JPH3: variants seen among roughly 807,000 people sequenced by gnomAD.
The protein encoded by JPH3 is junctophilin-3.
Under a neutral mutation model 59.6 loss-of-function variants are expected in JPH3, and 11 were observed. The observed-to-expected ratio is 0.18, with a 90% CI of 0.12 to 0.31. The LOEUF (loss-of-function observed/expected upper bound fraction) is 0.31. JPH3 is among the 10% of genes least tolerant of loss of function. The pLI, the probability that JPH3 is intolerant of heterozygous loss-of-function variation, is 1.00. For synonymous variants in JPH3, 673 were observed against 483.6 expected, an observed-to-expected ratio of 1.39 and a Z score of -5.14; for missense variants, 1,202 against 1,105.7, an observed-to-expected ratio of 1.09 and a Z score of -1.24.
intron 2 of JPH3, among the ~76,000 whole-genome samples, chr16:87,649,851 T>C (rs1024896209): frequency 6.6e-6 from 1 of 152,124 alleles, no homozygotes; most frequent in Non-Finnish European, 1.5e-5. Context: ...GGGTGGCCCA[T>C]GTGAAAGCTA....
In JPH3 at chr16:87,603,036, TCTC is replaced by T. The variant is rs1597228175; in HGVS notation, c.-106_-104del. On this transcript the variant is annotated 5_prime_UTR_variant, in exon 1 of 5. Coordinates refer to ENST00000284262, the MANE Select transcript of JPH3 (RefSeq NM_020655.4). The stretch of plus-strand genomic sequence containing the variant: ...ACCGCGCTCCGGGGCCGCGTCCTCC[TCTC>T]CTCCGGAAAACGCTCGCGACCCAGG... 2.9e-6 allele frequency: 4 copies of T among 1,397,846 alleles called. No homozygotes were observed. Among genetic ancestry groups the T allele is most frequent in the Middle Eastern group, 2.0e-4 (1 of 5,072 alleles). The allele number at this position is 1,397,846 out of a possible 1,614,324, so 86.6% of individuals were successfully genotyped here.
chr16:87,689,977 C>T lies in JPH3; in HGVS notation c.1617C>T (p.Ser539=), dbSNP rs2033521085. 2 of 1,470,222 alleles carry T rather than the reference C, an allele frequency of 1.4e-6. No homozygotes were observed. The highest frequency in any genetic ancestry group is 1.8e-6 in the Non-Finnish European group (2 of 1,113,102). 91.1% of individuals were successfully genotyped at this position (1,470,222 alleles called of 1,614,324 possible). ...SSWGEEQAGG[S]RGVRSGALRG... ...GGGGCGAGGAGCAGGCCGGGGGCTC[C>T]AGGGGTGTCCGCAGCGGTGCCCTGC... Residue 539 remains serine, a synonymous_variant, in exon 4 of 5, where the codon TCC becomes TCT. Coordinates refer to ENST00000284262, the MANE Select transcript of JPH3 (RefSeq NM_020655.4).
Position 87,688,055 on chromosome 16 carries a change from G to A in JPH3, c.1286-1591G>A, listed in dbSNP as rs189606998. On this transcript the variant is annotated intron_variant, in intron 3 of 4. Transcript: ENST00000284262. ...GAGGTGGTGGGGCTGGGCGTCAGGT[G>A]GGTACGTGGATGTCAGCACAGTTCT... Among the ~76,000 whole-genome samples the A allele has an allele frequency of 4.8e-4, 73 of 152,190 alleles. No homozygotes were observed. The East Asian group carries it at 0.013, about 28-fold the overall frequency.
chr16:87,658,426 CTCTA>C lies in JPH3; in HGVS notation c.1160+13395_1160+13398del, dbSNP rs1206974792. On this transcript the variant is annotated intron_variant, in intron 2 of 4. Coordinates refer to ENST00000284262, the MANE Select transcript of JPH3 (RefSeq NM_020655.4). Reference sequence around the variant, plus strand: ...TCTCTGTCCCTCCCTCTCTTTTCCTCTCTATCTCCCTATCTGCTTTGCTCTCTGT... The same window carrying C: ...TCTCTGTCCCTCCCTCTCTTTTCCTCTCTCCCTATCTGCTTTGCTCTCTGT... Among the ~76,000 whole-genome samples, 6 of 96,616 alleles carry C rather than the reference CTCTA, an allele frequency of 6.2e-5. 1 individual carries two copies. Among genetic ancestry groups the C allele is most frequent in the Non-Finnish European group, 1.5e-4 (6 of 39,730 alleles). 63.4% of individuals were successfully genotyped at this position (96,616 alleles called of 152,430 possible).
At position 87,615,386 on chromosome 16, in the gene JPH3, G is replaced by C. The variant is rs1567582911; in HGVS notation, c.382+11858G>C. The stretch of plus-strand genomic sequence containing the variant: ...TGGGGTCAGCATCCAGGCAACATGG[G>C]ATACCCAGAACCTTCTTTCTTGTCC... On this transcript the variant is annotated intron_variant, in intron 1 of 4. Transcript: ENST00000284262. 4.6e-5 allele frequency among the ~76,000 whole-genome samples: 7 copies of C among 152,304 alleles called. 1 individual carries two copies. The South Asian group carries it at 1.5e-3, about 32-fold the overall frequency.
At chr16:87,610,115 A>T (rs1172091692) in intron 1 of JPH3, among the ~76,000 whole-genome samples, 1 of 152,190 alleles carries the variant, frequency 6.6e-6, no homozygotes, top group Non-Finnish European at 1.5e-5. Context: ...CTGCATTCCT[A>T]TGAGAATCTA....
At chr16:87,605,585 G>C (rs2030489055) in intron 1 of JPH3, among the ~76,000 whole-genome samples, 1 of 152,188 alleles carries the variant, frequency 6.6e-6, no homozygotes, top group Non-Finnish European at 1.5e-5. Context: ...ACGGGTTAAG[G>C]GGAGAGATGT....
chr16:87,697,745 G>GAGAAACTGTAGCAT lies in JPH3; in HGVS notation c.*1087_*1100dup, dbSNP rs1216207019. 1 of 152,236 alleles carries GAGAAACTGTAGCAT rather than the reference G, an allele frequency of 6.6e-6. No homozygotes were observed. The highest frequency in any genetic ancestry group is 2.4e-5 in the African/African-American group (1 of 41,444). The allele number at this position is 152,236 out of a possible 1,614,324, so 9.4% of individuals were successfully genotyped here. A position where few individuals can be genotyped will look rare whatever the true frequency, so the allele number is the denominator to read the frequency against. On this transcript the variant is annotated 3_prime_UTR_variant, in exon 5 of 5. Transcript: ENST00000284262. ...CAAACCCAGTGGCTTGAAACTTCCT[G>GAGAAACTGTAGCAT]AGAAACTGTAGCATATCCAGCCCCC... is the stretch of plus-strand genomic sequence containing the variant.
At chr16:87,665,225 G>A (rs181126057) in intron 2 of JPH3, among the ~76,000 whole-genome samples, 2 of 152,284 alleles carry the variant, frequency 1.3e-5, no homozygotes, top group African/African-American at 4.8e-5. Flanking sequence ...TCCCATCCGG[G>A]ACCCCTGAGC....
chr16:87,620,586 G>A (rs913181040), intron 1 of JPH3, among the ~76,000 whole-genome samples: 6 of 151,712 alleles, frequency 4.0e-5, no homozygotes, highest in African/African-American at 1.5e-4. Flanking sequence ...GCCATGGGGG[G>A]GACGTGCGTT....
At chr16:87,621,341 G>T (rs1020162147) in intron 1 of JPH3, among the ~76,000 whole-genome samples, 22 of 152,190 alleles carry the variant, frequency 1.4e-4, no homozygotes, top group African/African-American at 4.8e-4. Context: ...ACGGAGTCCG[G>T]GGGAGGGGGT....
intron 1 of JPH3, among the ~76,000 whole-genome samples, chr16:87,635,148 G>C (rs2031694825): frequency 6.6e-6 from 1 of 152,184 alleles, no homozygotes; most frequent in African/African-American, 2.4e-5. Context: ...CTGTGGCCAT[G>C]AGCTCAGGTC....
chr16:87,672,748 C>A (rs139644362), intron 2 of JPH3, among the ~76,000 whole-genome samples: 2 of 152,272 alleles, frequency 1.3e-5, no homozygotes, highest in Admixed American at 6.5e-5. Flanking sequence ...GGTGGTGGTG[C>A]GGAATGGGTG....
chr16:87,626,507 G>A (rs1032115618), intron 1 of JPH3, among the ~76,000 whole-genome samples: 4 of 152,356 alleles, frequency 2.6e-5, no homozygotes, highest in African/African-American at 4.8e-5. Context: ...CAAGTGGTGT[G>A]GGGGCCCCTG....
intron 1 of JPH3, among the ~76,000 whole-genome samples, chr16:87,627,782 C>T (rs894686699): frequency 2.0e-5 from 3 of 152,222 alleles, no homozygotes; most frequent in Admixed American, 6.5e-5. Flanking sequence ...TGCCCGACTT[C>T]CACCCATGCC....
intron 2 of JPH3, among the ~76,000 whole-genome samples, chr16:87,651,408 T>G (rs2032321180): frequency 6.6e-6 from 1 of 152,258 alleles, no homozygotes; most frequent in Non-Finnish European, 1.5e-5. Context: ...CTGCCATAGA[T>G]AGTGATTTCT....
intron 4 of JPH3, among the ~76,000 whole-genome samples, chr16:87,691,255 T>G (rs2142838384): frequency 6.6e-6 from 1 of 151,830 alleles, no homozygotes; most frequent in Middle Eastern, 3.4e-3. Context: ...GGACCTTCAC[T>G]CTGCAAATCC....
At chr16:87,625,513 CAGG>C (rs1398446989) in intron 1 of JPH3, among the ~76,000 whole-genome samples, 1 of 152,160 alleles carries the variant, frequency 6.6e-6, no homozygotes, top group African/African-American at 2.4e-5. Flanking sequence ...GCCCCCTGAG[CAGG>C]AGGAGCAGGG....
intron 2 of JPH3, among the ~76,000 whole-genome samples, chr16:87,661,286 T>C (rs56759534): frequency 0.24 from 36,043 of 152,138 alleles, 4,802 homozygotes; most frequent in South Asian, 0.39. Flanking sequence ...ATCTCTCTCT[T>C]TCCTGATCCT....
Sources: allele counts gnomAD v4.1 joint callset (sites outside exome capture counted in the v4.1 genomes callset), GRCh38; gene constraint gnomAD v4.1.1; transcripts MANE v1.5; gene names NCBI Gene and HGNC (gene_info 2026-07-23, HGNC 2026-07-21).